SHLD1: variants seen among roughly 807,000 people sequenced by gnomAD.
SHLD1 encodes shieldin complex subunit 1.
In SHLD1, 3 loss-of-function variants were observed where a neutral mutation model predicts 5.5. The observed-to-expected ratio is 0.54, with a 90% CI of 0.25 to 1.40. The LOEUF (loss-of-function observed/expected upper bound fraction) is 1.40, where lower values mean the gene tolerates loss of function less well. Ranked by LOEUF, SHLD1 falls within the 40% of genes most tolerant of loss-of-function variation. SHLD1 has a pLI of 0.15. For synonymous variants in SHLD1, 92 were observed against 94.3 expected (o/e 0.98, Z 0.14); for missense variants, 210 against 244.4 (o/e 0.86, Z 0.94).
At chr20:5,777,729 A>T (rs1011347851) in intron 2 of SHLD1, among the ~76,000 whole-genome samples, 1 of 151,794 alleles carries the variant, frequency 6.6e-6, no homozygotes, top group Non-Finnish European at 1.5e-5. Flanking sequence ...CACCACACCC[A>T]GCTAAAATCA....
At chr20:5,838,163 G>A (rs573787365) in intron 2 of SHLD1, among the ~76,000 whole-genome samples, 49 of 152,330 alleles carry the variant, frequency 3.2e-4, no homozygotes, top group African/African-American at 1.2e-3. Context: ...CTGTGTATCT[G>A]TGCATATATG....
intron 2 of SHLD1, among the ~76,000 whole-genome samples, chr20:5,817,713 T>TA (rs1555775175): frequency 6.6e-6 from 1 of 151,714 alleles, no homozygotes; most frequent in Non-Finnish European, 1.5e-5. Flanking sequence ...TGCCTGGCAT[T>TA]ATGACTTAGT....
Position 5,813,350 on chromosome 20 carries a change from C to T in SHLD1, c.178+40307C>T, listed in dbSNP as rs181007421. 5.3e-3 allele frequency among the ~76,000 whole-genome samples: 805 copies of T among 151,324 alleles called. 5 individuals are homozygous for T. Among genetic ancestry groups the T allele is most frequent in the Non-Finnish European group, 8.2e-3 (553 of 67,834 alleles). On this transcript the variant is annotated intron_variant, in intron 2 of 2. Coordinates refer to ENST00000303142, the MANE Select transcript of SHLD1 (RefSeq NM_152504.4). ...TAAAAATACAAAAAAAATAGCGAGG[C>T]GTGGTGGCACGTGCCTGTAGTCCCA...
chr20:5,773,423 G>A, intron 2 of SHLD1: 1 of 471,186 alleles, frequency 2.1e-6, no homozygotes, highest in Non-Finnish European at 3.8e-6. Flanking sequence ...TGTGTGATGA[G>A]TAATAAAAAT....
At chr20:5,841,016 C>A (rs913209146) in intron 2 of SHLD1, among the ~76,000 whole-genome samples, 4 of 152,156 alleles carry the variant, frequency 2.6e-5, no homozygotes, top group Non-Finnish European at 2.9e-5. Flanking sequence ...TTCATTCATT[C>A]ATTTATTCAT....
rs533313849 is a variant in SHLD1 at position 5,775,923 on chromosome 20, A to ATTTTTTTTT, written c.178+2894_178+2902dup. 4.1e-4 allele frequency among the ~76,000 whole-genome samples: 32 copies of ATTTTTTTTT among 77,684 alleles called. 4 individuals carry two copies. The highest frequency in any genetic ancestry group is 1.3e-3 in the African/African-American group (21 of 16,796). The allele number at this position is 77,684 out of a possible 152,430, so 51.0% of individuals were successfully genotyped here. On this transcript the variant is annotated intron_variant, in intron 2 of 2. Coordinates refer to ENST00000303142, the MANE Select transcript of SHLD1 (RefSeq NM_152504.4). ...TGCAGTACTGCCTGGTCAGCTCAGG[A>ATTTTTTTTT]TTTTTTTTTTTTTTTTTTTTTTGAG... is the stretch of plus-strand genomic sequence containing the variant.
At chr20:5,750,651 G>T (rs1324716220) in intron 1 of SHLD1, among the ~76,000 whole-genome samples, 172 bp downstream of exon 1, 1 of 152,038 alleles carries the variant, frequency 6.6e-6, no homozygotes, top group East Asian at 1.9e-4. Context: ...TGCAGCCTGT[G>T]CTTTGGGGAA....
Position 5,833,693 on chromosome 20 carries a change from C to G in SHLD1, c.179-29331C>G, listed in dbSNP as rs9753619. Among the ~76,000 whole-genome samples the G allele has an allele frequency of 4.8e-3, 720 of 149,696 alleles. 3 individuals are homozygous for G. Among genetic ancestry groups the G allele is most frequent in the African/African-American group, 0.017 (674 of 40,564 alleles). ...ACAGGGAGAGACAGAGAGAGAGAGA[C>G]AGAGACAGGGAGAAACACAGAGAGA... On this transcript the variant is annotated intron_variant, in intron 2 of 2. Coordinates refer to ENST00000303142, the MANE Select transcript of SHLD1 (RefSeq NM_152504.4).
Position 5,863,075 on chromosome 20 carries a change from TC to T in SHLD1, c.231del (p.Trp78GlyfsTer6). 1 of 1,614,020 alleles carries T rather than the reference TC, an allele frequency of 6.2e-7. No homozygotes were observed. ...EQNNSWTAEN[F>X]WLDPAVKGQS... ...AATAACTCCTGGACCGCTGAGAACTTCTGGCTTGACCCTGCTGTGAAAGGCC... is the reference window on the plus strand; with the variant it reads ...AATAACTCCTGGACCGCTGAGAACTTTGGCTTGACCCTGCTGTGAAAGGCC... On this transcript the variant is annotated frameshift_variant, in exon 3 of 3. Transcript: ENST00000303142. LOFTEE classifies it low-confidence loss of function (END_TRUNC).
chr20:5,829,170 C>T (rs897626497), intron 2 of SHLD1, among the ~76,000 whole-genome samples: 6 of 152,120 alleles, frequency 3.9e-5, no homozygotes, highest in Admixed American at 2.0e-4. Flanking sequence ...GCCATCATGC[C>T]CAGCCAGATT....
intron 2 of SHLD1, among the ~76,000 whole-genome samples, chr20:5,844,388 G>T (rs6053737): frequency 6.6e-6 from 1 of 152,122 alleles, no homozygotes; most frequent in Admixed American, 6.5e-5. Context: ...GCCACCATCA[G>T]GCTCTCTGGA....
At chr20:5,754,703 A>G (rs1330323010) in intron 1 of SHLD1, among the ~76,000 whole-genome samples, 1 of 152,180 alleles carries the variant, frequency 6.6e-6, no homozygotes, top group Non-Finnish European at 1.5e-5. Context: ...GTCATAGGTG[A>G]ATTCAAACTG....
At chr20:5,763,104 C>A (rs190520138) in intron 1 of SHLD1, among the ~76,000 whole-genome samples, 1 of 151,752 alleles carries the variant, frequency 6.6e-6, no homozygotes, top group Non-Finnish European at 1.5e-5. Context: ...GTCAGGAGTT[C>A]GAGACCAGCC....
chr20:5,788,918 G>C (rs2087098959), intron 2 of SHLD1, among the ~76,000 whole-genome samples: 10 of 151,986 alleles, frequency 6.6e-5, no homozygotes, highest in Admixed American at 6.6e-4. Context: ...GATCACTTGA[G>C]ATCAGGAGAT....
intron 2 of SHLD1, among the ~76,000 whole-genome samples, chr20:5,798,774 T>C (rs2087249231): frequency 6.6e-6 from 1 of 151,082 alleles, no homozygotes; most frequent in Non-Finnish European, 1.5e-5. Context: ...CCCACCACCG[T>C]GCCCGGCTAA....
In SHLD1 at chr20:5,837,996, C is replaced by T. The variant is rs140947030; in HGVS notation, c.179-25028C>T. Among the ~76,000 whole-genome samples the T allele has an allele frequency of 2.8e-3, 432 of 152,258 alleles. 1 individual carries two copies. The highest frequency in any genetic ancestry group is 6.8e-3 in the Middle Eastern group (2 of 294). The stretch of plus-strand genomic sequence containing the variant: ...AGCAGGCAAAGACGGAAAAAAAATA[C>T]CTATTTACCACAGAAGCAATAACAT... On this transcript the variant is annotated intron_variant, in intron 2 of 2. Transcript: ENST00000303142.
At chr20:5,857,706 GA>G (rs2088107124) in intron 2 of SHLD1, among the ~76,000 whole-genome samples, 1 of 151,908 alleles carries the variant, frequency 6.6e-6, no homozygotes, top group Admixed American at 6.6e-5. Flanking sequence ...AGCTACTCAG[GA>G]CTGAGGTGGG....
At chr20:5,810,946 C>G (rs1419142392) in intron 2 of SHLD1, among the ~76,000 whole-genome samples, 1 of 151,914 alleles carries the variant, frequency 6.6e-6, no homozygotes, top group Non-Finnish European at 1.5e-5. Context: ...TGCAGATGTC[C>G]TGGCTTTAAG....
chr20:5,767,883 C>G (rs894853179), intron 1 of SHLD1, among the ~76,000 whole-genome samples: 2 of 152,084 alleles, frequency 1.3e-5, no homozygotes, highest in African/African-American at 4.8e-5. Context: ...CAGGCCTTCC[C>G]AGAGCTGGCT....
Sources: allele counts gnomAD v4.1 joint callset (sites outside exome capture counted in the v4.1 genomes callset), GRCh38; gene constraint gnomAD v4.1.1; transcripts MANE v1.5; gene names NCBI Gene and HGNC (gene_info 2026-07-23, HGNC 2026-07-21).